The following ERBIN variants were observed in gnomAD, a reference collection of about 807,000 sequenced individuals.
The protein encoded by ERBIN is erbb2 interacting protein, also known as densin-180-like protein.
ERBIN carries 60 observed loss-of-function variants against 158.4 expected under a neutral mutation model. That is an observed-to-expected ratio of 0.38 (90% CI 0.31 to 0.47). The LOEUF is 0.47. ERBIN is among the 20% of genes least tolerant of loss of function. The probability of loss-of-function intolerance (pLI) is 0.99; values close to 1 mark genes in which losing one functional copy is unlikely to be tolerated. For synonymous variants in ERBIN, 594 were observed against 557.2 expected (o/e 1.07, Z -0.93); for missense variants, 1,610 against 1,648.0 (o/e 0.98, Z 0.40).
At chr5:65,932,423 G>T (rs251614) in intron 1 of ERBIN, among the ~76,000 whole-genome samples, 1 of 151,866 alleles carries the variant, frequency 6.6e-6, no homozygotes, top group Non-Finnish European at 1.5e-5. Flanking sequence ...TTCTTGTAAA[G>T]GTGTTAGCTG....
chr5:65,959,531 C>T (rs1201591741), intron 1 of ERBIN, among the ~76,000 whole-genome samples: 2 of 152,076 alleles, frequency 1.3e-5, no homozygotes, highest in Non-Finnish European at 2.9e-5. Flanking sequence ...AGGAGATTTT[C>T]GTTTGGGGTT....
At position 66,058,537 on chromosome 5, in the gene ERBIN, T is replaced by G. The variant is rs796670058; in HGVS notation, c.3633+3586T>G. On this transcript the variant is annotated intron_variant, in intron 21 of 25. Transcript: ENST00000284037. ...TTTGCTGTGCAGAAGCTCTTTAGTTTAATTAGATCCCATTTGTCAATTTTG... is the reference window on the plus strand; with the variant it reads ...TTTGCTGTGCAGAAGCTCTTTAGTTGAATTAGATCCCATTTGTCAATTTTG... Among the ~76,000 whole-genome samples, 10 of 151,436 alleles carry G rather than the reference T, an allele frequency of 6.6e-5. No homozygotes were observed. The South Asian group carries it at 1.5e-3, about 22-fold the overall frequency.
At chr5:65,983,798 A>C (rs1580250316) in intron 1 of ERBIN, among the ~76,000 whole-genome samples, 1 of 152,138 alleles carries the variant, frequency 6.6e-6, no homozygotes, top group Non-Finnish European at 1.5e-5. Context: ...ACCCCCCCCA[A>C]CTGTCTGTGG....
chr5:66,038,706 C>T (rs1364214914), intron 15 of ERBIN, among the ~76,000 whole-genome samples: 1 of 151,978 alleles, frequency 6.6e-6, no homozygotes, highest in Non-Finnish European at 1.5e-5. Flanking sequence ...TTAAATTAAA[C>T]CGCAGTGTTA....
chr5:65,986,274 C>T (rs1401053058), intron 1 of ERBIN, among the ~76,000 whole-genome samples: 1 of 152,194 alleles, frequency 6.6e-6, no homozygotes, highest in African/African-American at 2.4e-5. Flanking sequence ...TTTTTGAATA[C>T]AAACATCTTT....
rs1762264354 is a variant in ERBIN at position 66,079,238 on chromosome 5, G to T, written c.*708G>T. On this transcript the variant is annotated 3_prime_UTR_variant, in exon 26 of 26. Coordinates refer to ENST00000284037, the MANE Select transcript of ERBIN (RefSeq NM_001253697.2). ...ATAATTGCATTTATGAGCTCGGCAG[G>T]ATCTGTTCTTGTCATAGCCATTGAC... 6.6e-6 allele frequency: 1 copy of T among 152,530 alleles called. No homozygotes were observed. Among genetic ancestry groups the T allele is most frequent in the Non-Finnish European group, 1.5e-5 (1 of 68,016 alleles). 9.4% of individuals were successfully genotyped at this position (152,530 alleles called of 1,614,324 possible). A position where few individuals can be genotyped will look rare whatever the true frequency, so the allele number is the denominator to read the frequency against.
intron 1 of ERBIN, among the ~76,000 whole-genome samples, chr5:65,965,414 T>C: frequency 2.1e-5 from 1 of 47,020 alleles, no homozygotes; most frequent in East Asian, 4.4e-4. Flanking sequence ...TTTTTTTTTT[T>C]TTTTTTTTTG....
chr5:66,065,379 A>C (rs548504028), intron 21 of ERBIN, among the ~76,000 whole-genome samples: 36 of 152,266 alleles, frequency 2.4e-4, no homozygotes, highest in Non-Finnish European at 4.0e-4. Flanking sequence ...TTTCTTCACC[A>C]TCTTTCATCT....
intron 1 of ERBIN, among the ~76,000 whole-genome samples, chr5:65,939,129 G>C (rs1195241735): frequency 6.6e-6 from 1 of 152,070 alleles, no homozygotes; most frequent in African/African-American, 2.4e-5. Flanking sequence ...AAAATAATTT[G>C]AGAAGAAAAT....
At chr5:65,953,050 G>A (rs905652346) in intron 1 of ERBIN, among the ~76,000 whole-genome samples, 1 of 152,208 alleles carries the variant, frequency 6.6e-6, no homozygotes, top group African/African-American at 2.4e-5. Flanking sequence ...ACTTGTTGGA[G>A]TTTCTTGTAT....
intron 1 of ERBIN, chr5:65,961,185 A>C (rs1347517694): frequency 6.6e-6 from 1 of 152,288 alleles, no homozygotes; most frequent in East Asian, 1.9e-4. Context: ...TGCTGTCTTC[A>C]CTTTGCTCCC....
chr5:66,044,839 G>T (rs1285604588), intron 17 of ERBIN, among the ~76,000 whole-genome samples: 104 of 152,168 alleles, frequency 6.8e-4, no homozygotes, highest in African/African-American at 2.5e-3. Context: ...CACTTTGGGA[G>T]GCCGAGGTGG....
At chr5:66,027,492 G>A (rs1756397325) in intron 13 of ERBIN, among the ~76,000 whole-genome samples, 1 of 151,948 alleles carries the variant, frequency 6.6e-6, no homozygotes, top group African/African-American at 2.4e-5. Flanking sequence ...TGCAAGTGTG[G>A]ATTCAAACAA....
At chr5:66,068,168 AAAT>A (rs553482294) in intron 21 of ERBIN, among the ~76,000 whole-genome samples, 35 of 151,066 alleles carry the variant, frequency 2.3e-4, no homozygotes, top group Admixed American at 4.6e-4. Flanking sequence ...GTCTCTACAA[AAAT>A]AATAATAATA....
chr5:65,942,852 G>A (rs1254656190), intron 1 of ERBIN, among the ~76,000 whole-genome samples: 2 of 151,524 alleles, frequency 1.3e-5, no homozygotes, highest in Admixed American at 6.6e-5. Flanking sequence ...AGGCTGTGGC[G>A]AGCTGAGGTC....
At chr5:66,070,148 G>A (rs1356224479) in intron 21 of ERBIN, among the ~76,000 whole-genome samples, 4 of 151,954 alleles carry the variant, frequency 2.6e-5, no homozygotes, top group African/African-American at 9.7e-5. Flanking sequence ...GAGTTCAAGC[G>A]ATTCTCCTGC....
chr5:66,072,157 C>T lies in ERBIN; in HGVS notation c.3634-12C>T. On this transcript the variant is annotated splice_polypyrimidine_tract_variant and intron_variant, in intron 21 of 25. Transcript: ENST00000284037. ...AACATTATTTGTTTACTTTTTATTT[C>T]CTGCTCATTAGAAGCATCCCCAGAC... The T allele has an allele frequency of 5.2e-6, 8 of 1,545,478 alleles. No individual in the cohort carries two copies. The highest frequency in any genetic ancestry group is 7.0e-6 in the Non-Finnish European group (8 of 1,145,010).
intron 14 of ERBIN, among the ~76,000 whole-genome samples, chr5:66,032,329 A>G (rs1756973051): frequency 6.6e-6 from 1 of 152,188 alleles, no homozygotes; most frequent in Admixed American, 6.5e-5. Flanking sequence ...ATTCTGACTT[A>G]TGATCAAATT....
intron 4 of ERBIN, among the ~76,000 whole-genome samples, chr5:66,007,177 G>C (rs1227264856): frequency 1.3e-5 from 2 of 151,050 alleles, no homozygotes; most frequent in Non-Finnish European, 3.0e-5. Flanking sequence ...AAGAAAATGT[G>C]GCACATATAC....
Sources: allele counts gnomAD v4.1 joint callset (sites outside exome capture counted in the v4.1 genomes callset), GRCh38; gene constraint gnomAD v4.1.1; transcripts MANE v1.5; gene names NCBI Gene and HGNC (gene_info 2026-07-23, HGNC 2026-07-21).